CUEDC1: variants seen among roughly 807,000 people sequenced by gnomAD.
The protein encoded by CUEDC1 is CUE domain-containing protein 1.
Under a neutral mutation model 43.7 loss-of-function variants are expected in CUEDC1, and 30 were observed. That is an observed-to-expected ratio of 0.69 (90% CI 0.51 to 0.93). The LOEUF is 0.93. CUEDC1 is among the 40% of genes least tolerant of loss of function. CUEDC1 has a pLI of 0.00. For synonymous variants in CUEDC1, 223 were observed against 223.6 expected (o/e 1.00, Z 0.02); for missense variants, 486 against 549.0 (o/e 0.89, Z 1.15).
At chr17:57,931,371 C>T (rs2074802486) in intron 1 of CUEDC1, among the ~76,000 whole-genome samples, 1 of 152,190 alleles carries the variant, frequency 6.6e-6, no homozygotes, top group African/African-American at 2.4e-5. Context: ...TCATTCCGGG[C>T]AGTCGCTCAT....
intron 1 of CUEDC1, among the ~76,000 whole-genome samples, chr17:57,904,743 G>T (rs1220699311): frequency 6.6e-6 from 1 of 152,176 alleles, no homozygotes. Context: ...TAGGGGCTAG[G>T]CGTGGGGGGA....
At chr17:57,882,001 C>G (rs1224137300) in intron 2 of CUEDC1, among the ~76,000 whole-genome samples, 1 of 152,206 alleles carries the variant, frequency 6.6e-6, no homozygotes, top group Non-Finnish European at 1.5e-5. Flanking sequence ...AGAGGTTGTT[C>G]TTCTGGCTCT....
chr17:57,869,477 G>C (rs952004777), intron 6 of CUEDC1, among the ~76,000 whole-genome samples: 14 of 152,184 alleles, frequency 9.2e-5, no homozygotes, highest in Admixed American at 3.9e-4. Context: ...CCAACTCCAT[G>C]TTTCATGACA....
intron 9 of CUEDC1, chr17:57,866,982 A>C: frequency 2.7e-6 from 1 of 367,716 alleles, no homozygotes; most frequent in Non-Finnish European, 5.1e-6. Context: ...ACTGGGTGAA[A>C]GTTGAGAAGC....
At chr17:57,906,496 G>A (rs1310161187) in intron 1 of CUEDC1, among the ~76,000 whole-genome samples, 1 of 152,216 alleles carries the variant, frequency 6.6e-6, no homozygotes, top group East Asian at 1.9e-4. Flanking sequence ...TGGGCATAGA[G>A]TTTCTGTTTG....
chr17:57,873,731 G>C lies in CUEDC1; in HGVS notation c.465-14C>G, dbSNP rs529661013. On this transcript the variant is annotated splice_polypyrimidine_tract_variant and intron_variant, in intron 3 of 10. Coordinates refer to ENST00000577830, the MANE Select transcript of CUEDC1 (RefSeq NM_001271875.2). ...AGCGCGTCGATACTAGGGGATGGCA[G>C]GTGACAGGGAAGAGGAAGTCATTAA... is the stretch of plus-strand genomic sequence containing the variant. 1 of 1,555,276 alleles carries C rather than the reference G, an allele frequency of 6.4e-7. No homozygotes were observed. The highest frequency in any genetic ancestry group is 8.7e-7 in the Non-Finnish European group (1 of 1,147,742).
intron 1 of CUEDC1, among the ~76,000 whole-genome samples, chr17:57,911,331 A>T (rs1211165294): frequency 1.3e-5 from 2 of 152,122 alleles, no homozygotes; most frequent in Non-Finnish European, 2.9e-5. Context: ...ATCTCTGAGA[A>T]CTTCAGCCAA....
intron 1 of CUEDC1, among the ~76,000 whole-genome samples, chr17:57,886,359 G>C (rs947577032): frequency 2.0e-5 from 3 of 152,198 alleles, no homozygotes; most frequent in Admixed American, 2.0e-4. Flanking sequence ...TCTAGTCCCT[G>C]TTCTCATCTT....
chr17:57,885,509 C>G lies in CUEDC1; in HGVS notation c.56G>C (p.Gly19Ala). 6.9e-7 allele frequency: 1 copy of G among 1,444,232 alleles called. No homozygotes were observed. The highest frequency in any genetic ancestry group is 9.1e-7 in the Non-Finnish European group (1 of 1,104,868). The allele number at this position is 1,444,232 out of a possible 1,614,324, so 89.5% of individuals were successfully genotyped here. A position where few individuals can be genotyped will look rare whatever the true frequency, so the allele number is the denominator to read the frequency against. The change falls in exon 2 of 11, where the codon GGG becomes GCG. Residue 19 changes from glycine (G) to alanine (A), a missense_variant. Gly to Ala is a moderately conservative substitution (Grantham distance 60, BLOSUM62 0). Transcript: ENST00000577830. ...CGTGCCTCCCCCGCCCCCGCGTGCC[C>G]CGGCGGTGCCACCCCCGCCGCTGCC... is the stretch of plus-strand genomic sequence containing the variant. ...SSGSGGGGTAGARGGGGGTAA... is the reference protein window; with the variant it reads ...SSGSGGGGTAAARGGGGGTAA...
chr17:57,868,562 C>T (rs1031000837), intron 7 of CUEDC1: 6 of 394,874 alleles, frequency 1.5e-5, no homozygotes, highest in South Asian at 2.8e-5. Flanking sequence ...CATCTTGGCT[C>T]GCTTTCCCGC....
Position 57,868,237 on chromosome 17 carries a change from C to T in CUEDC1, c.947G>A (p.Arg316Gln), listed in dbSNP as rs34800498. Residue 316 changes from arginine (R) to glutamine (Q), a missense_variant, in exon 8 of 11, where the codon CGG (arginine) becomes CAG (glutamine). Transcript: ENST00000577830. ...DKLKHMGKST[R>Q]RKLFELARAF... ...TCGGGCAAGTTCAAACAGTTTCCTCCGGGTGGCTGGGGGCAGAGAGACCTG... is the reference window on the plus strand; with the variant it reads ...TCGGGCAAGTTCAAACAGTTTCCTCTGGGTGGCTGGGGGCAGAGAGACCTG... 12,923 of 1,614,072 alleles carry T rather than the reference C, an allele frequency of 8.0e-3. 818 individuals carry two copies. The African/African-American group carries it at 0.14, about 17-fold the overall frequency.
At chr17:57,893,152 T>C (rs1296753461) in intron 1 of CUEDC1, among the ~76,000 whole-genome samples, 1 of 152,200 alleles carries the variant, frequency 6.6e-6, no homozygotes, top group African/African-American at 2.4e-5. Flanking sequence ...TAACCATGGT[T>C]GAGTCCTGCG....
intron 1 of CUEDC1, among the ~76,000 whole-genome samples, chr17:57,905,290 A>ACACACACACACACACT (rs1007711626): frequency 6.9e-6 from 1 of 145,582 alleles, no homozygotes; most frequent in African/African-American, 2.5e-5. Context: ...ACACACACAC[A>ACACACACACACACACT]CTCCAGCCTG....
At chr17:57,950,128 A>C (rs1370963601) in intron 1 of CUEDC1, among the ~76,000 whole-genome samples, 1 of 152,244 alleles carries the variant, frequency 6.6e-6, no homozygotes, top group Admixed American at 6.5e-5. Context: ...ATCCCTTCAC[A>C]GAAACCCTTG....
intron 1 of CUEDC1, among the ~76,000 whole-genome samples, chr17:57,896,380 A>G (rs1458020683): frequency 6.6e-6 from 1 of 152,148 alleles, no homozygotes; most frequent in Non-Finnish European, 1.5e-5. Flanking sequence ...CTATTCAATA[A>G]CAAACAAAAA....
chr17:57,869,683 C>T (rs1337229887), intron 6 of CUEDC1, among the ~76,000 whole-genome samples: 3 of 152,166 alleles, frequency 2.0e-5, no homozygotes, highest in African/African-American at 7.2e-5. Context: ...CCTTGTCCTT[C>T]CTGCCAGGTA....
intron 1 of CUEDC1, among the ~76,000 whole-genome samples, chr17:57,927,445 T>C (rs1007860571): frequency 6.6e-6 from 1 of 150,876 alleles, no homozygotes. Flanking sequence ...AGTCTGCTTC[T>C]CCAGTGTTCA....
intron 1 of CUEDC1, among the ~76,000 whole-genome samples, chr17:57,935,307 A>C (rs1280051012): frequency 6.6e-6 from 1 of 151,372 alleles, no homozygotes; most frequent in Admixed American, 6.6e-5. Flanking sequence ...AGTGTAGAGC[A>C]GTGAAGGCTT....
At chr17:57,924,349 C>A (rs184181816) in intron 1 of CUEDC1, among the ~76,000 whole-genome samples, 1 of 152,140 alleles carries the variant, frequency 6.6e-6, no homozygotes. Flanking sequence ...CGTGATCTGC[C>A]CGCCTCGGCC....
Sources: gnomAD v4.1 joint callset for allele counts (sites outside exome capture counted in the v4.1 genomes callset) on GRCh38, gnomAD v4.1.1 for gene constraint, MANE v1.5 for transcripts, NCBI Gene and HGNC (gene_info 2026-07-23, HGNC 2026-07-21) for gene names.